SLC1A6: variants seen among roughly 807,000 people sequenced by gnomAD.
The protein encoded by SLC1A6 is solute carrier family 1 member 6, also known as excitatory amino acid transporter 4.
In SLC1A6, 15 loss-of-function variants were observed where a neutral mutation model predicts 42.1. The ratio of observed to expected loss-of-function variants is 0.36; its 90% CI spans 0.24 to 0.55. SLC1A6 has a LOEUF of 0.55. Ranked by LOEUF, SLC1A6 falls within the 20% of genes least tolerant of loss-of-function variation. The probability of loss-of-function intolerance (pLI) is 0.88; values close to 1 mark genes in which losing one functional copy is unlikely to be tolerated. For synonymous variants in SLC1A6, 317 were observed against 319.7 expected (o/e 0.99, Z 0.09); for missense variants, 542 against 772.5 (o/e 0.70, Z 3.54).
intron 6 of SLC1A6, among the ~76,000 whole-genome samples, chr19:14,959,805 A>G (rs1172196001): frequency 6.6e-6 from 1 of 152,212 alleles, no homozygotes; most frequent in Non-Finnish European, 1.5e-5. Context: ...TCACCTGTCA[A>G]GACGCAGTTA....
chr19:14,959,457 T>A (rs1156850594), intron 6 of SLC1A6, among the ~76,000 whole-genome samples: 1 of 152,236 alleles, frequency 6.6e-6, no homozygotes, highest in Non-Finnish European at 1.5e-5. Flanking sequence ...ACACCCTTTC[T>A]GCAGAAGTAA....
intron 1 of SLC1A6, among the ~76,000 whole-genome samples, chr19:14,988,906 C>G (rs2045805334): frequency 6.6e-6 from 1 of 152,086 alleles, no homozygotes; most frequent in Non-Finnish European, 1.5e-5. Flanking sequence ...GTAGTCCTAG[C>G]TACTCAGGAG....
At position 15,005,655 on chromosome 19, in the gene SLC1A6, G is replaced by A. The variant is rs138656311; in HGVS notation, c.6+4830C>T. Among the ~76,000 whole-genome samples the A allele has an allele frequency of 4.9e-3, 740 of 152,336 alleles. 11 individuals carry two copies. The highest frequency in any genetic ancestry group is 0.017 in the African/African-American group (716 of 41,572). ...GATATAGAGAATGGAAACTGGGATT[G>A]GGAGATGGAAATGAGAAGTTGGTCT... On this transcript the variant is annotated intron_variant, in intron 1 of 8. Coordinates refer to the SLC1A6 transcript ENST00000430939.
intron 1 of SLC1A6, among the ~76,000 whole-genome samples, chr19:14,991,496 A>G (rs1363537726): frequency 6.6e-6 from 1 of 152,038 alleles, no homozygotes; most frequent in African/African-American, 2.4e-5. Context: ...GGTGATGCGC[A>G]CATGTAATCC....
rs1555709975 is a variant in SLC1A6 at position 14,991,853 on chromosome 19, T to TTA, written c.6+18631_6+18632insTA. Among the ~76,000 whole-genome samples, 250 of 149,760 alleles carry TTA rather than the reference T, an allele frequency of 1.7e-3. 1 individual carries two copies. Among genetic ancestry groups the TTA allele is most frequent in the South Asian group, 8.4e-3 (40 of 4,754 alleles). On this transcript the variant is annotated intron_variant, in intron 1 of 8. Coordinates refer to the SLC1A6 transcript ENST00000430939. ...TTCTGCTTTTTTCTTTTTTTTTTTT[T>TTA]TCTAGAGGGAGTCTTGCTCTGTCAC...
At chr19:14,968,194 C>A (rs1243172359) in intron 4 of SLC1A6, 109 bp downstream of exon 4, 5 of 888,248 alleles carry the variant, frequency 5.6e-6, no homozygotes, top group African/African-American at 1.7e-5. Flanking sequence ...CTTGACCGGA[C>A]GCATGCTTCC....
Position 14,962,203 on chromosome 19 carries a change from C to T in SLC1A6, c.734G>A (p.Gly245Asp), listed in dbSNP as rs768085115. Residue 245 changes from glycine (G) to aspartate (D), a missense_variant, in exon 6 of 10, where the codon GGT becomes GAT. Transcript: ENST00000594383. Reference sequence around the variant, plus strand: ...AAAGCTCAGCATCTCCTGCAGGGTACCCAAGGCCCGAGTGACATTTTCCAG... The same window carrying T: ...AAAGCTCAGCATCTCCTGCAGGGTATCCAAGGCCCGAGTGACATTTTCCAG... ...SFLENVTRAL[G>D]TLQEMLSFEE... 1 of 1,614,178 alleles carries T rather than the reference C, an allele frequency of 6.2e-7. No homozygotes were observed. Among genetic ancestry groups the T allele is most frequent in the Middle Eastern group, 1.6e-4 (1 of 6,062 alleles).
Position 14,956,538 on chromosome 19 carries a change from G to T in SLC1A6, c.1107C>A (p.Asn369Lys), listed in dbSNP as rs1293041640. 1 of 1,612,430 alleles carries T rather than the reference G, an allele frequency of 6.2e-7. No homozygotes were observed. Among genetic ancestry groups the T allele is most frequent in the South Asian group, 1.1e-5 (1 of 90,802 alleles). The change falls in exon 7 of 10, where the codon AAC (asparagine) becomes AAA (lysine). Residue 369 changes from asparagine (N) to lysine (K), a missense_variant. Asn to Lys is a moderately conservative substitution (Grantham distance 94). This residue lies in a region of SLC1A6 where 298 missense variants were observed against 419.4 expected (regional missense o/e 0.71). Transcript: ENST00000594383. ...GCATGCCCCCAATGAAGGGGAAGGG[G>T]TTCCGGTGAGTGACGAGGAAGTAGA... ...PLIYFLVTHR[N>K]PFPFIGGMLQ...
chr19:14,960,162 T>G (rs2045497042), intron 6 of SLC1A6, among the ~76,000 whole-genome samples: 1 of 152,146 alleles, frequency 6.6e-6, no homozygotes, highest in East Asian at 1.9e-4. Flanking sequence ...ACTGGATGAA[T>G]AAGTAAGGAA....
chr19:14,956,388 G>A, intron 7 of SLC1A6, 88 bp downstream of exon 7: 2 of 782,874 alleles, frequency 2.6e-6, no homozygotes, highest in Non-Finnish European at 4.1e-6. Flanking sequence ...GGTGTTTAAG[G>A]AATGGAGAGG....
intron 1 of SLC1A6, among the ~76,000 whole-genome samples, chr19:15,009,477 C>T (rs2045914329): frequency 6.6e-6 from 1 of 151,934 alleles, no homozygotes; most frequent in Admixed American, 6.6e-5. Context: ...GAACTAGAGG[C>T]CATTATCTTA....
intron 4 of SLC1A6, 63 bp from the exon 5 acceptor site, chr19:14,964,424 C>A (rs1275697978): frequency 8.4e-6 from 11 of 1,312,420 alleles, no homozygotes; most frequent in Non-Finnish European, 1.2e-5. Context: ...AGGGTGATAA[C>A]AGTAATACTA....
chr19:14,994,174 T>C (rs1298834580), intron 1 of SLC1A6, among the ~76,000 whole-genome samples: 8 of 152,086 alleles, frequency 5.3e-5, no homozygotes, highest in African/African-American at 1.9e-4. Context: ...GGTTCATGGA[T>C]CAAACCAACA....
chr19:14,988,382 AG>A (rs1262917400), intron 1 of SLC1A6, among the ~76,000 whole-genome samples: 21 of 152,268 alleles, frequency 1.4e-4, no homozygotes, highest in Non-Finnish European at 2.9e-5. Flanking sequence ...TGGAACTTAA[AG>A]TAGCTGTGTT....
intron 7 of SLC1A6, among the ~76,000 whole-genome samples, chr19:14,954,993 A>G (rs2045448433): frequency 6.6e-6 from 1 of 152,200 alleles, no homozygotes; most frequent in South Asian, 2.1e-4. Context: ...CAGCTGTGCT[A>G]ACTTTCTCTA....
chr19:14,970,538 T>C (rs540566722), intron 3 of SLC1A6, among the ~76,000 whole-genome samples: 111 of 150,576 alleles, frequency 7.4e-4, no homozygotes, highest in South Asian at 1.3e-3. Context: ...GGTGAAACCC[T>C]GTCTCTACTA....
intron 6 of SLC1A6, among the ~76,000 whole-genome samples, chr19:14,959,812 G>A (rs2045493564): frequency 6.6e-6 from 1 of 152,198 alleles, no homozygotes; most frequent in African/African-American, 2.4e-5. Context: ...TCAAGACGCA[G>A]TTAACAGGTG....
At chr19:14,982,946 A>G (rs1198960212), upstream of SLC1A6, among the ~76,000 whole-genome samples, 2 of 152,256 alleles carry the variant, frequency 1.3e-5, no homozygotes, top group Non-Finnish European at 1.5e-5. Context: ...GAACAAAAAA[A>G]GAAGAGTGAC....
At chr19:14,989,679 A>T (rs951665823) in intron 1 of SLC1A6, among the ~76,000 whole-genome samples, 2 of 152,070 alleles carry the variant, frequency 1.3e-5, no homozygotes, top group Non-Finnish European at 2.9e-5. Context: ...AAAACAAAAC[A>T]AAAACAGTAT....
Sources: allele counts gnomAD v4.1 joint callset (sites outside exome capture counted in the v4.1 genomes callset), GRCh38; gene constraint gnomAD v4.1.1; regional missense constraint gnomAD v4.1.1; transcripts MANE v1.5; gene names NCBI Gene and HGNC (gene_info 2026-07-23, HGNC 2026-07-21).